The following ZFYVE28 variants were observed in gnomAD, a reference collection of about 807,000 sequenced individuals.
ZFYVE28 encodes zinc finger FYVE-type containing 28.
In ZFYVE28, 40 loss-of-function variants were observed where a neutral mutation model predicts 82.1. The ratio of observed to expected loss-of-function variants is 0.49; its 90% CI spans 0.38 to 0.63. ZFYVE28 has a LOEUF of 0.63. ZFYVE28 is among the 30% of genes least tolerant of loss of function. The pLI, the probability that ZFYVE28 is intolerant of heterozygous loss-of-function variation, is 0.00. For synonymous variants in ZFYVE28, 612 were observed against 546.1 expected (o/e 1.12, Z -1.68); for missense variants, 1,321 against 1,242.1 (o/e 1.06, Z -0.96).
intron 1 of ZFYVE28, among the ~76,000 whole-genome samples, chr4:2,357,376 G>T (rs1725484510): frequency 6.6e-6 from 1 of 152,198 alleles, no homozygotes; most frequent in Non-Finnish European, 1.5e-5. Flanking sequence ...CTACCAGAGG[G>T]CAGAGGAGCC....
In ZFYVE28 at chr4:2,398,987, C is replaced by T. The variant is rs1364173856; in HGVS notation, c.39+19298G>A. 1.0e-4 allele frequency among the ~76,000 whole-genome samples: 12 copies of T among 116,674 alleles called. 1 individual carries two copies. Among genetic ancestry groups the T allele is most frequent in the African/African-American group, 3.0e-4 (9 of 30,314 alleles). The allele number at this position is 116,674 out of a possible 152,430, so 76.5% of individuals were successfully genotyped here. On this transcript the variant is annotated intron_variant, in intron 1 of 12. Coordinates refer to ENST00000290974, the MANE Select transcript of ZFYVE28 (RefSeq NM_020972.3). ...GAGATCCAGTGCACAAGGTCAGTGG[C>T]GAGATTGAGGGCACAAGGAGGGGCG...
chr4:2,404,513 T>C (rs1731607770), intron 1 of ZFYVE28, among the ~76,000 whole-genome samples: 1 of 101,534 alleles, frequency 9.8e-6, no homozygotes, highest in Admixed American at 1.1e-4. Context: ...TGGAATATTA[T>C]TCAGCCATAA....
intron 8 of ZFYVE28, among the ~76,000 whole-genome samples, chr4:2,282,039 C>A: frequency 6.6e-6 from 1 of 152,230 alleles, no homozygotes; most frequent in East Asian, 1.9e-4. Flanking sequence ...GTGAAGGGCA[C>A]CTGCCCTGCC....
chr4:2,393,506 G>A (rs889368409), intron 1 of ZFYVE28, among the ~76,000 whole-genome samples: 2 of 152,162 alleles, frequency 1.3e-5, no homozygotes, highest in African/African-American at 4.8e-5. Context: ...AACCACCCCT[G>A]CCTGCCCCTC....
rs1736067978 is a variant in ZFYVE28, at chr4:2,273,152, C to T, written c.2323+21G>A. 4.4e-6 allele frequency: 7 copies of T among 1,597,774 alleles called. No homozygotes were observed. The South Asian group carries it at 6.7e-5, about 15-fold the overall frequency. Reference sequence around the variant, plus strand: ...CGGCCACCAGCGCAGGCCTCAGAGCCCGTCCTGAGTGGGCACTCACCCTTC... The same window carrying T: ...CGGCCACCAGCGCAGGCCTCAGAGCTCGTCCTGAGTGGGCACTCACCCTTC... On this transcript the variant is annotated intron_variant, in intron 10 of 12. Coordinates refer to ENST00000290974, the MANE Select transcript of ZFYVE28 (RefSeq NM_020972.3).
At chr4:2,365,802 A>G (rs1726821913) in intron 1 of ZFYVE28, among the ~76,000 whole-genome samples, 1 of 152,132 alleles carries the variant, frequency 6.6e-6, no homozygotes, top group Admixed American at 6.5e-5. Context: ...GAAGGCCCCA[A>G]CTGGACCACC....
intron 8 of ZFYVE28, chr4:2,295,543 C>T (rs1714422494): frequency 6.6e-6 from 1 of 152,358 alleles, no homozygotes; most frequent in African/African-American, 2.4e-5. Context: ...GCCGTTCCTT[C>T]TCTCAGAAAA....
intron 1 of ZFYVE28, among the ~76,000 whole-genome samples, chr4:2,375,061 C>G (rs1456031936): frequency 6.6e-6 from 1 of 152,202 alleles, no homozygotes; most frequent in Non-Finnish European, 1.5e-5. Flanking sequence ...ATGATATGAA[C>G]AGCAGTTCAG....
chr4:2,391,741 T>TC (rs1491478783), intron 1 of ZFYVE28, among the ~76,000 whole-genome samples: 2 of 136,566 alleles, frequency 1.5e-5, no homozygotes, highest in Non-Finnish European at 3.1e-5. Flanking sequence ...TCTCTCTCTC[T>TC]TTTTTTTTTT....
At chr4:2,318,401 T>C (rs1718540800) in intron 7 of ZFYVE28, among the ~76,000 whole-genome samples, 1 of 151,902 alleles carries the variant, frequency 6.6e-6, no homozygotes, top group African/African-American at 2.4e-5. Context: ...CTACTAAAAA[T>C]ATAAAAATTA....
At chr4:2,370,137 C>A (rs1164931540) in intron 1 of ZFYVE28, among the ~76,000 whole-genome samples, 3 of 152,038 alleles carry the variant, frequency 2.0e-5, no homozygotes, top group Non-Finnish European at 4.4e-5. Flanking sequence ...TGTGAACCAA[C>A]ACGCCCGGCC....
At chr4:2,405,613 G>A (rs11737612) in intron 1 of ZFYVE28, among the ~76,000 whole-genome samples, 27,390 of 152,176 alleles carry the variant, frequency 0.18, 2,613 homozygotes, top group East Asian at 0.32. Flanking sequence ...GGAAGGGGCC[G>A]GGGCACAGGA....
intron 1 of ZFYVE28, among the ~76,000 whole-genome samples, chr4:2,369,227 C>A (rs950776988): frequency 6.6e-6 from 1 of 152,196 alleles, no homozygotes; most frequent in Non-Finnish European, 1.5e-5. Context: ...TGTGGACTGA[C>A]CAGATCTGCT....
At chr4:2,327,298 A>G (rs1720020345) in intron 6 of ZFYVE28, among the ~76,000 whole-genome samples, 1 of 58,530 alleles carries the variant, frequency 1.7e-5, no homozygotes, top group South Asian at 5.6e-4. Context: ...ATATATATAT[A>G]TATATATATA....
chr4:2,312,092 G>A (rs1717542418), intron 7 of ZFYVE28, among the ~76,000 whole-genome samples: 1 of 152,072 alleles, frequency 6.6e-6, no homozygotes, highest in Non-Finnish European at 1.5e-5. Flanking sequence ...CTACTCAGGA[G>A]GCTGAGGTGG....
intron 1 of ZFYVE28, among the ~76,000 whole-genome samples, chr4:2,354,453 ATT>A (rs11454323): frequency 2.4e-4 from 30 of 122,484 alleles, no homozygotes; most frequent in African/African-American, 4.7e-4. Flanking sequence ...CTCTCAGGAA[ATT>A]TTTTTTTTTT....
In ZFYVE28 at chr4:2,362,743, C is replaced by T. The variant is rs112189721; in HGVS notation, c.40-8670G>A. Among the ~76,000 whole-genome samples the T allele has an allele frequency of 7.9e-5, 12 of 152,250 alleles. No individual in the cohort carries two copies. Among genetic ancestry groups the T allele is most frequent in the African/African-American group, 2.9e-4 (12 of 41,570 alleles). On this transcript the variant is annotated intron_variant, in intron 1 of 12. Coordinates refer to ENST00000290974, the MANE Select transcript of ZFYVE28 (RefSeq NM_020972.3). This position sits in a 1 kb window ranked among gnomAD's most constrained non-coding sequence, Gnocchi z 5.1. ...TGCTGCCACACCCACCCCAATGTTA[C>T]TATTGTTGCTACTGTCTCCCTCCCC... is the stretch of plus-strand genomic sequence containing the variant.
intron 1 of ZFYVE28, among the ~76,000 whole-genome samples, chr4:2,414,918 T>C (rs1460021086): frequency 6.6e-6 from 1 of 152,216 alleles, no homozygotes; most frequent in East Asian, 1.9e-4. Context: ...TGAAAAGACT[T>C]TAAAGAAAGG....
At chr4:2,298,378 C>T (rs895935888) in intron 8 of ZFYVE28, among the ~76,000 whole-genome samples, 8 of 152,180 alleles carry the variant, frequency 5.3e-5, no homozygotes, top group Non-Finnish European at 8.8e-5. Context: ...GAGGCTCAGG[C>T]TGAGCAGTCG....
Sources: allele counts gnomAD v4.1 joint callset (sites outside exome capture counted in the v4.1 genomes callset), GRCh38; gene constraint gnomAD v4.1.1; non-coding constraint Gnocchi (gnomAD v3.1); transcripts MANE v1.5; gene names NCBI Gene and HGNC (gene_info 2026-07-23, HGNC 2026-07-21).